The following FGD4 variants were observed in gnomAD, a reference collection of about 807,000 sequenced individuals.
FGD4 encodes FYVE, RhoGEF and PH domain containing 4.
In FGD4, 42 loss-of-function variants were observed where a neutral mutation model predicts 102.0. The observed-to-expected ratio is 0.41, with a 90% CI of 0.32 to 0.53. FGD4 has a LOEUF of 0.53. FGD4 is among the 20% of genes least tolerant of loss of function. The pLI is 0.21. For synonymous variants in FGD4, 380 were observed against 375.7 expected (o/e 1.01, Z -0.13); for missense variants, 902 against 1,078.2 (o/e 0.84, Z 2.29).
chr12:32,502,525 G>GA (rs546991598), intron 1 of FGD4, among the ~76,000 whole-genome samples: 23 of 151,876 alleles, frequency 1.5e-4, no homozygotes, highest in Admixed American at 3.9e-4. Context: ...TTTGGAAAAT[G>GA]AAAAAAAATT....
intron 1 of FGD4, among the ~76,000 whole-genome samples, chr12:32,561,098 T>TTTTTTG (rs1944540150): frequency 7.4e-6 from 1 of 134,292 alleles, no homozygotes; most frequent in Non-Finnish European, 1.6e-5. Context: ...TTTTTTTTTT[T>TTTTTTG]TTTGAGATGG....
At chr12:32,618,603 G>A (rs1487547642) in intron 10 of FGD4, among the ~76,000 whole-genome samples, 1 of 152,148 alleles carries the variant, frequency 6.6e-6, no homozygotes, top group Non-Finnish European at 1.5e-5. Context: ...AGGCTGAGGT[G>A]AGAGTATTAT....
chr12:32,601,602 T>C (rs755688764), intron 6 of FGD4, among the ~76,000 whole-genome samples, 179 bp downstream of exon 6: 1 of 152,230 alleles, frequency 6.6e-6, no homozygotes, highest in Non-Finnish European at 1.5e-5. Context: ...CTCCAAACTA[T>C]CATTTAGCTA....
chr12:32,407,058 G>GCCT (rs1363283451), intron 1 of FGD4, among the ~76,000 whole-genome samples: 2 of 148,226 alleles, frequency 1.3e-5, no homozygotes, highest in East Asian at 4.1e-4. Flanking sequence ...TGATCCACCC[G>GCCT]CCTCCGCCTC....
At chr12:32,571,985 T>G (rs1408110585) in intron 2 of FGD4, among the ~76,000 whole-genome samples, 1 of 152,078 alleles carries the variant, frequency 6.6e-6, no homozygotes, top group Non-Finnish European at 1.5e-5. Flanking sequence ...GGATCACTTA[T>G]GCCCAGGAGT....
rs1415031307 is a variant in FGD4 at position 32,608,024 on chromosome 12, G to A, written c.1472G>A (p.Arg491Gln). 5 of 1,614,050 alleles carry A rather than the reference G, an allele frequency of 3.1e-6. No individual in the cohort carries two copies. The Admixed American group carries it at 6.7e-5, about 22-fold the overall frequency. The change falls in exon 8 of 17, where the codon CGG becomes CAG. Residue 491 changes from arginine (R) to glutamine (Q), a missense_variant. Arg to Gln is a conservative substitution (Grantham distance 43, BLOSUM62 1). Around this residue, in one of 2 missense-constraint regions of FGD4, gnomAD observed 459 missense variants for 619.0 expected, o/e 0.74. Transcript: ENST00000534526. The stretch of plus-strand genomic sequence containing the variant: ...CTAGAACCTGTTCAGCGGATTCCCC[G>A]GTATGAGATGCTCCTTAAGGACTAT... ...HMLEPVQRIPRYEMLLKDYLR... is the reference protein window; with the variant it reads ...HMLEPVQRIPQYEMLLKDYLR...
In FGD4 at chr12:32,399,576, C is replaced by G. The variant is rs1340703922; in HGVS notation, c.-218C>G. The stretch of plus-strand genomic sequence containing the variant: ...GGGAGCTGCAGATACCGAGACGCTG[C>G]GACTGCCGCAGGAGTCGCCGCAGCC... On this transcript the variant is annotated 5_prime_UTR_variant, in exon 1 of 17. Transcript: ENST00000534526. The G allele has an allele frequency of 3.3e-6, 4 of 1,210,030 alleles. No individual in the cohort carries two copies. In the East Asian group the frequency reaches 8.8e-5, roughly 27 times the overall value. The allele number at this position is 1,210,030 out of a possible 1,614,324, so 75.0% of individuals were successfully genotyped here. A position where few individuals can be genotyped will look rare whatever the true frequency, so the allele number is the denominator to read the frequency against.
intron 14 of FGD4, among the ~76,000 whole-genome samples, chr12:32,631,996 T>A (rs895000533): frequency 3.9e-5 from 6 of 152,230 alleles, no homozygotes; most frequent in African/African-American, 1.4e-4. Flanking sequence ...TACAGGTATG[T>A]CTAATTCTAA....
chr12:32,403,357 T>G lies in FGD4; in HGVS notation c.166+3398T>G, dbSNP rs1165429295. 2.0e-5 allele frequency among the ~76,000 whole-genome samples: 3 copies of G among 152,258 alleles called. No homozygotes were observed. In the East Asian group the frequency reaches 5.8e-4, roughly 29 times the overall value. On this transcript the variant is annotated intron_variant, in intron 1 of 16. Transcript: ENST00000534526. Reference sequence around the variant, plus strand: ...CATAGGCTTTGGGGTTATATAGCACTCACGTTCTAGTCCCTCTTCCATAGC... The same window carrying G: ...CATAGGCTTTGGGGTTATATAGCACGCACGTTCTAGTCCCTCTTCCATAGC...
rs886698331 is a variant in FGD4, at chr12:32,442,613, G to A, written c.166+42654G>A. Among the ~76,000 whole-genome samples the A allele has an allele frequency of 4.8e-5, 7 of 145,646 alleles. No individual in the cohort carries two copies. The South Asian group carries it at 6.6e-4, about 14-fold the overall frequency. On this transcript the variant is annotated intron_variant, in intron 1 of 16. Transcript: ENST00000534526. Reference sequence around the variant, plus strand: ...GAGTTTCACTCTGTCTCCAAGGCTGGGGCGCAGTGGTGCGATCTCACTGCA... The same window carrying A: ...GAGTTTCACTCTGTCTCCAAGGCTGAGGCGCAGTGGTGCGATCTCACTGCA...
intron 2 of FGD4, among the ~76,000 whole-genome samples, chr12:32,567,325 C>G (rs1332731438): frequency 6.6e-6 from 1 of 152,182 alleles, no homozygotes; most frequent in Non-Finnish European, 1.5e-5. Flanking sequence ...TTGCTACCCA[C>G]AACACTATGT....
chr12:32,609,948 C>T (rs773596122), intron 8 of FGD4, among the ~76,000 whole-genome samples: 1 of 152,176 alleles, frequency 6.6e-6, no homozygotes, highest in African/African-American at 2.4e-5. Flanking sequence ...GGAGCTCCTA[C>T]GATGTCCACA....
At chr12:32,447,303 A>G (rs530928568) in intron 1 of FGD4, among the ~76,000 whole-genome samples, 1 of 152,316 alleles carries the variant, frequency 6.6e-6, no homozygotes, top group African/African-American at 2.4e-5. Flanking sequence ...ATATTGGCTT[A>G]GGATTGGACA....
intron 1 of FGD4, among the ~76,000 whole-genome samples, chr12:32,485,049 A>T (rs1943855432): frequency 6.6e-6 from 1 of 152,166 alleles, no homozygotes; most frequent in Admixed American, 6.5e-5. Context: ...TGACAGGCAC[A>T]TGCCATAACA....
intron 1 of FGD4, among the ~76,000 whole-genome samples, chr12:32,483,109 C>T (rs1943807728): frequency 6.6e-6 from 1 of 151,956 alleles, no homozygotes; most frequent in Admixed American, 6.6e-5. Flanking sequence ...TATTTTTAGC[C>T]ACATGATAAT....
At chr12:32,536,370 A>G (rs768866145) in intron 1 of FGD4, among the ~76,000 whole-genome samples, 10 of 152,268 alleles carry the variant, frequency 6.6e-5, no homozygotes, top group Non-Finnish European at 1.5e-4. Context: ...GACTCCTGGA[A>G]TAATCCAGGG....
chr12:32,462,048 C>G (rs1465354119), intron 1 of FGD4, among the ~76,000 whole-genome samples: 1 of 152,060 alleles, frequency 6.6e-6, no homozygotes, highest in African/African-American at 2.4e-5. Context: ...TAACCATGAC[C>G]TTTTAAGTTA....
Position 32,602,186 on chromosome 12 carries a change from A to T in FGD4, c.1273A>T (p.Ile425Phe). The T allele has an allele frequency of 6.2e-7, 1 of 1,614,168 alleles. No homozygotes were observed. The highest frequency in any genetic ancestry group is 8.5e-7 in the Non-Finnish European group (1 of 1,180,020). The change falls in exon 7 of 17, where the codon ATC becomes TTC. Residue 425 changes from isoleucine to phenylalanine, a missense_variant. By Grantham distance (21) the Ile-to-Phe change is conservative. Transcript: ENST00000534526. ...EWETTPRIGDILQKLAPFLKM... is the reference protein window; with the variant it reads ...EWETTPRIGDFLQKLAPFLKM... ...GGAAACTACTCCTAGAATTGGAGAC[A>T]TCCTTCAGAAATTGGCACCATTCCT...
At chr12:32,552,974 A>C (rs181104973) in intron 1 of FGD4, among the ~76,000 whole-genome samples, 3,393 of 76,014 alleles carry the variant, frequency 0.045, 52 homozygotes, top group Middle Eastern at 0.14. Context: ...TTGTATTTTT[A>C]GTAGAGACAG....
Sources: gnomAD v4.1 joint callset for allele counts (sites outside exome capture counted in the v4.1 genomes callset) on GRCh38, gnomAD v4.1.1 for gene constraint, gnomAD v4.1.1 regional missense constraint, MANE v1.5 for transcripts, NCBI Gene and HGNC (gene_info 2026-07-23, HGNC 2026-07-21) for gene names.